The following CMBL variants were observed in gnomAD, a reference collection of about 807,000 sequenced individuals.
CMBL encodes carboxymethylenebutenolidase homolog.
A neutral mutation model predicts 28.7 loss-of-function variants in CMBL; 17 were observed. That is an observed-to-expected ratio of 0.59 (90% CI 0.41 to 0.89). The LOEUF (loss-of-function observed/expected upper bound fraction) is 0.89. Among genes scored for constraint, CMBL ranks in the 40% least tolerant of loss-of-function variants. CMBL has a pLI of 0.00. For synonymous variants in CMBL, 106 were observed against 101.6 expected (o/e 1.04, Z -0.26); for missense variants, 310 against 298.5 (o/e 1.04, Z -0.28).
chr5:10,280,756 T>C, intron 5 of CMBL, 124 bp from the exon 6 acceptor site: 2 of 826,266 alleles, frequency 2.4e-6, no homozygotes, highest in Non-Finnish European at 1.8e-6. Context: ...AGTTCCACAG[T>C]TACACTGAAT....
At chr5:10,305,538 C>A (rs1398581814) in intron 1 of CMBL, among the ~76,000 whole-genome samples, 1 of 151,932 alleles carries the variant, frequency 6.6e-6, no homozygotes, top group Non-Finnish European at 1.5e-5. Flanking sequence ...CACATCAAAA[C>A]CCATGGGGAT....
chr5:10,288,569 T>A (rs778201934), intron 2 of CMBL, 40 bp from the exon 3 acceptor site: 6 of 1,392,624 alleles, frequency 4.3e-6, no homozygotes, highest in Non-Finnish European at 6.1e-6. Context: ...GTTTCAGAGT[T>A]GCTTGACTCA....
chr5:10,291,125 G>A (rs1009874602), intron 1 of CMBL, among the ~76,000 whole-genome samples: 1 of 152,212 alleles, frequency 6.6e-6, no homozygotes, highest in African/African-American at 2.4e-5. Flanking sequence ...CTGGGGGACA[G>A]GACCCGACTC....
intron 2 of CMBL, among the ~76,000 whole-genome samples, chr5:10,288,916 G>T (rs1023630556): frequency 5.9e-5 from 9 of 152,184 alleles, no homozygotes; most frequent in Non-Finnish European, 1.0e-4. Context: ...CCTTTCACAT[G>T]AGCCTCAGGC....
At chr5:10,294,235 C>G (rs58411958) in intron 1 of CMBL, among the ~76,000 whole-genome samples, 18,867 of 152,158 alleles carry the variant, frequency 0.12, 1,738 homozygotes, top group African/African-American at 0.26. Flanking sequence ...GAGATAGAAG[C>G]CACTGGAGAA....
At chr5:10,283,848 C>G (rs1746548253) in intron 4 of CMBL, among the ~76,000 whole-genome samples, 4 of 152,194 alleles carry the variant, frequency 2.6e-5, no homozygotes, top group Admixed American at 2.6e-4. Flanking sequence ...TCTGCCTGAC[C>G]CAGGTTGTCT....
At chr5:10,281,854 C>T (rs1746501023) in intron 5 of CMBL, among the ~76,000 whole-genome samples, 1 of 152,132 alleles carries the variant, frequency 6.6e-6, no homozygotes. Context: ...GAATGTCAAA[C>T]CGTGCTATTA....
chr5:10,303,196 G>T (rs976373288), intron 1 of CMBL, among the ~76,000 whole-genome samples: 1 of 152,042 alleles, frequency 6.6e-6, no homozygotes, highest in East Asian at 1.9e-4. Context: ...TGCCATCCCC[G>T]ATCTTTGAGT....
intron 4 of CMBL, among the ~76,000 whole-genome samples, chr5:10,285,951 A>T (rs1247758702): frequency 6.6e-6 from 1 of 151,852 alleles, no homozygotes; most frequent in East Asian, 1.9e-4. Flanking sequence ...TGCCTGCCTA[A>T]GCCTCCCAAA....
intron 4 of CMBL, 191 bp downstream of exon 4, chr5:10,286,163 G>A (rs1380207663): frequency 3.9e-5 from 21 of 537,854 alleles, no homozygotes; most frequent in Admixed American, 7.6e-5. Context: ...CTTGACTCCC[G>A]GTGACATCCT....
intron 3 of CMBL, among the ~76,000 whole-genome samples, chr5:10,288,089 GA>G (rs1746637843): frequency 6.8e-6 from 1 of 146,174 alleles, no homozygotes; most frequent in African/African-American, 2.5e-5. Flanking sequence ...CCAACATGGT[GA>G]AACCCCGTCT....
chr5:10,288,114 A>G (rs1416986582), intron 3 of CMBL, among the ~76,000 whole-genome samples: 2 of 151,912 alleles, frequency 1.3e-5, no homozygotes. Context: ...CTAAAAATAC[A>G]AAAATTAGCC....
chr5:10,288,355 G>A, intron 3 of CMBL, 67 bp downstream of exon 3: 2 of 1,129,542 alleles, frequency 1.8e-6, no homozygotes, highest in Non-Finnish European at 2.7e-6. Flanking sequence ...TCTGAAAGGT[G>A]AAGCCCACCC....
intron 1 of CMBL, among the ~76,000 whole-genome samples, chr5:10,305,929 C>T (rs1746994056): frequency 6.6e-6 from 1 of 152,168 alleles, no homozygotes; most frequent in South Asian, 2.1e-4. Context: ...CGTGTACCTT[C>T]ACAAGGCACT....
At position 10,280,344 on chromosome 5, in the gene CMBL, G is replaced by A. The variant is rs1746477128; in HGVS notation, c.*109C>T. 2 of 764,446 alleles carry A rather than the reference G, an allele frequency of 2.6e-6. No homozygotes were observed. The allele number at this position is 764,446 out of a possible 1,614,324, so 47.4% of individuals were successfully genotyped here. A position where few individuals can be genotyped will look rare whatever the true frequency, so the allele number is the denominator to read the frequency against. On this transcript the variant is annotated 3_prime_UTR_variant, in exon 6 of 6. Coordinates refer to ENST00000296658, the MANE Select transcript of CMBL (RefSeq NM_138809.4). ...TTTCAAATGAAATAATCAATTTTAGGATTCCTACACTTATTTTATAAAAGT... is the reference window on the plus strand; with the variant it reads ...TTTCAAATGAAATAATCAATTTTAGAATTCCTACACTTATTTTATAAAAGT...
At chr5:10,282,866 C>T (rs746408840) in intron 4 of CMBL, among the ~76,000 whole-genome samples, 7 of 151,788 alleles carry the variant, frequency 4.6e-5, no homozygotes, top group Non-Finnish European at 1.0e-4. Flanking sequence ...TCGAGGAGGG[C>T]GGATCATGAG....
chr5:10,304,229 C>T (rs2126565923), intron 1 of CMBL, among the ~76,000 whole-genome samples: 1 of 152,024 alleles, frequency 6.6e-6, no homozygotes, highest in Admixed American at 6.6e-5. Flanking sequence ...ATTAGCCAGG[C>T]TTGGTGGCAC....
In CMBL at chr5:10,289,434, G is replaced by C. The variant is rs944642868; in HGVS notation, c.216-905C>G. Among the ~76,000 whole-genome samples the C allele has an allele frequency of 6.6e-6, 1 of 152,202 alleles. No homozygotes were observed. Among genetic ancestry groups the C allele is most frequent in the Admixed American group, 6.5e-5 (1 of 15,278 alleles). ...TTTTATGTCCTGACCCCTGCTAAAG[G>C]ACCCTCCGTGAAACAACAGAAACAG... On this transcript the variant is annotated intron_variant, in intron 2 of 5. Coordinates refer to ENST00000296658, the MANE Select transcript of CMBL (RefSeq NM_138809.4). This position sits in a 1 kb window ranked among gnomAD's most constrained non-coding sequence, Gnocchi z 4.3.
rs1204215844 is a variant in CMBL at position 10,278,467 on chromosome 5, G to A, written c.*1986C>T. On this transcript the variant is annotated 3_prime_UTR_variant, in exon 6 of 6. Transcript: ENST00000296658. ...CTCTCAGTCACAGCGTGAGTCCCCG[G>A]GGCTCATGCCTGCTTGCTCTAAACC... is the stretch of plus-strand genomic sequence containing the variant. Among the ~76,000 whole-genome samples, 1 of 151,956 alleles carries A rather than the reference G, an allele frequency of 6.6e-6. No homozygotes were observed. The highest frequency in any genetic ancestry group is 2.4e-5 in the African/African-American group (1 of 41,366).
Sources: allele counts gnomAD v4.1 joint callset (sites outside exome capture counted in the v4.1 genomes callset), GRCh38; gene constraint gnomAD v4.1.1; non-coding constraint Gnocchi (gnomAD v3.1); transcripts MANE v1.5; gene names NCBI Gene and HGNC (gene_info 2026-07-23, HGNC 2026-07-21).